Variants in RPN2 observed in about 807,000 individuals in gnomAD.
RPN2 encodes the protein ribophorin II.
A neutral mutation model predicts 71.4 loss-of-function variants in RPN2; 29 were observed. That is an observed-to-expected ratio of 0.41 (90% CI 0.30 to 0.55). RPN2 has a LOEUF of 0.55. Ranked by LOEUF, RPN2 falls within the 20% of genes least tolerant of loss-of-function variation. The pLI is 0.35. For synonymous variants in RPN2, 308 were observed against 305.0 expected (o/e 1.01, Z -0.10); for missense variants, 726 against 774.1 (o/e 0.94, Z 0.74).
At chr20:37,220,898 G>T (rs1243967201) in intron 9 of RPN2, among the ~76,000 whole-genome samples, 1 of 152,180 alleles carries the variant, frequency 6.6e-6, no homozygotes, top group Non-Finnish European at 1.5e-5. Context: ...ACAGCCCTAC[G>T]GGTGTTTATG....
chr20:37,219,333 C>G (rs1245240222), intron 9 of RPN2, among the ~76,000 whole-genome samples: 1 of 152,122 alleles, frequency 6.6e-6, no homozygotes, highest in Non-Finnish European at 1.5e-5. Flanking sequence ...AGAAGAATGT[C>G]TATTCAAATC....
intron 7 of RPN2, among the ~76,000 whole-genome samples, chr20:37,208,469 G>A (rs779991773): frequency 3.9e-5 from 6 of 152,106 alleles, no homozygotes; most frequent in Non-Finnish European, 8.8e-5. Context: ...GAGTGCCGTG[G>A]TGCGATCATG....
At chr20:37,179,427 C>A in intron 1 of RPN2, 58 bp downstream of exon 1, 3 of 164,236 alleles carry the variant, frequency 1.8e-5, no homozygotes, top group South Asian at 1.8e-4. Flanking sequence ...GGTTACTAGT[C>A]GCCGCTCGAG....
At chr20:37,204,594 A>G (rs1342955285) in intron 5 of RPN2, among the ~76,000 whole-genome samples, 173 bp from the exon 6 acceptor site, 1 of 152,236 alleles carries the variant, frequency 6.6e-6, no homozygotes, top group East Asian at 1.9e-4. Flanking sequence ...TCTGTTTGAT[A>G]TACTTTACTC....
Position 37,179,350 on chromosome 20 carries a change from C to G in RPN2, c.-7C>G, listed in dbSNP as rs1035628911. ...GGCTCGGACTCCGGCGGGACCTGCTCGGAGGAATGGCGCCGCCGGGTGAGG... is the reference window on the plus strand; with the variant it reads ...GGCTCGGACTCCGGCGGGACCTGCTGGGAGGAATGGCGCCGCCGGGTGAGG... On this transcript the variant is annotated 5_prime_UTR_variant, in exon 1 of 17. Transcript: ENST00000237530. 7.0e-6 allele frequency: 6 copies of G among 855,446 alleles called. No individual in the cohort carries two copies. The African/African-American group carries it at 2.5e-4, about 36-fold the overall frequency. 53.0% of individuals were successfully genotyped at this position (855,446 alleles called of 1,614,324 possible).
At chr20:37,217,182 T>C (rs1457665036) in intron 9 of RPN2, among the ~76,000 whole-genome samples, 1 of 152,118 alleles carries the variant, frequency 6.6e-6, no homozygotes, top group African/African-American at 2.4e-5. Flanking sequence ...TCTGCCCACC[T>C]TTGCCTCCCA....
chr20:37,185,079 A>G (rs1199372274), intron 2 of RPN2, among the ~76,000 whole-genome samples: 3 of 152,002 alleles, frequency 2.0e-5, no homozygotes, highest in Non-Finnish European at 2.9e-5. Context: ...ATTTTGATAC[A>G]TGTTTTTGGA....
rs6073729 is a variant in RPN2 at position 37,229,953 on chromosome 20, G to A, written c.1495-20G>A. On this transcript the variant is annotated intron_variant, in intron 12 of 16. Coordinates refer to ENST00000237530, the MANE Select transcript of RPN2 (RefSeq NM_002951.5). ...ACTTCTCTGCCCCTGTGCTTTTACA[G>A]ACTGTCCTTATTTTTCTAGGCTGAT... 21 of 1,591,328 alleles carry A rather than the reference G, an allele frequency of 1.3e-5. No individual in the cohort carries two copies. Among genetic ancestry groups the A allele is most frequent in the Non-Finnish European group, 1.7e-5 (20 of 1,159,300 alleles).
intron 8 of RPN2, among the ~76,000 whole-genome samples, chr20:37,211,154 C>A (rs554143593): frequency 2.7e-4 from 41 of 151,960 alleles, no homozygotes; most frequent in African/African-American, 9.6e-4. Context: ...CCTGCCTTAG[C>A]TTCCCGAGTA....
chr20:37,207,416 T>TGCTTCCCAG lies in RPN2; in HGVS notation c.840_841insCAGGCTTCC (p.Ser280_Asp281insGlnAlaSer). On this transcript the variant is annotated inframe_insertion, in exon 7 of 17. Transcript: ENST00000237530. ...CAGTTGTGGTTGTGCCTGAGGGCTC[T>TGCTTCCCAG]GCTTCCGACACTCATGAACAGGCTA... is the stretch of plus-strand genomic sequence containing the variant. The TGCTTCCCAG allele has an allele frequency of 7.4e-6, 12 of 1,614,238 alleles. No individual in the cohort carries two copies. Among genetic ancestry groups the TGCTTCCCAG allele is most frequent in the Non-Finnish European group, 1.0e-5 (12 of 1,180,036 alleles).
At chr20:37,238,241 A>G (rs1297790916) in intron 16 of RPN2, among the ~76,000 whole-genome samples, 1 of 151,664 alleles carries the variant, frequency 6.6e-6, no homozygotes, top group Non-Finnish European at 1.5e-5. Context: ...CTTAAAGCCC[A>G]CTCTTCTGTG....
intron 16 of RPN2, among the ~76,000 whole-genome samples, chr20:37,237,505 G>A (rs1322131440): frequency 1.3e-5 from 2 of 152,154 alleles, no homozygotes; most frequent in African/African-American, 4.8e-5. Context: ...TACCCTCAAC[G>A]TGGCTGCCAG....
At chr20:37,238,370 T>C in intron 16 of RPN2, 1 of 1,583,582 alleles carries the variant, frequency 6.3e-7, no homozygotes, top group African/African-American at 1.3e-5. Context: ...CACTGTCCTT[T>C]CTTGATTCTC....
At chr20:37,191,154 G>A (rs2067128899) in intron 2 of RPN2, among the ~76,000 whole-genome samples, 2 of 152,172 alleles carry the variant, frequency 1.3e-5, no homozygotes, top group Non-Finnish European at 1.5e-5. Context: ...ACAGCAGTGT[G>A]GAATGAGAGT....
chr20:37,201,654 C>T (rs189867327), intron 4 of RPN2, among the ~76,000 whole-genome samples: 3 of 152,212 alleles, frequency 2.0e-5, no homozygotes, highest in East Asian at 1.9e-4. Flanking sequence ...TTGTTTAGCC[C>T]GCCTAAACCT....
At position 37,184,223 on chromosome 20, in the gene RPN2, C is replaced by T. The variant is rs759994279; in HGVS notation, c.57C>T (p.Ser19=). ...VFLLALTIIA[S]TWALTPTHYL... ...TGTTGGCCCTGACAATCATAGCCAGCACCTGGGCTCTGACGCCCACTCACT... is the reference window on the plus strand; with the variant it reads ...TGTTGGCCCTGACAATCATAGCCAGTACCTGGGCTCTGACGCCCACTCACT... Residue 19 remains serine, a synonymous_variant, in exon 2 of 17, where the codon AGC becomes AGT. Transcript: ENST00000237530. 7.2e-5 allele frequency: 117 copies of T among 1,614,090 alleles called. No homozygotes were observed. Among genetic ancestry groups the T allele is most frequent in the Non-Finnish European group, 9.7e-5 (114 of 1,180,038 alleles).
intron 14 of RPN2, 47 bp from the exon 15 acceptor site, chr20:37,233,973 C>CT: frequency 1.2e-6 from 2 of 1,603,752 alleles, no homozygotes; most frequent in Non-Finnish European, 1.7e-6. Context: ...TGTTGCTTCC[C>CT]TTTTAAGTTC....
Position 37,236,724 on chromosome 20 carries a change from G to T in RPN2, c.1883+15G>T. 1 of 1,613,616 alleles carries T rather than the reference G, an allele frequency of 6.2e-7. No homozygotes were observed. Among genetic ancestry groups the T allele is most frequent in the Non-Finnish European group, 8.5e-7 (1 of 1,179,566 alleles). Reference sequence around the variant, plus strand: ...GCAGTCAAGAGGTAAGGCCAGACATGAGCCAGGGATCTAGAGTAGGGTTAG... The same window carrying T: ...GCAGTCAAGAGGTAAGGCCAGACATTAGCCAGGGATCTAGAGTAGGGTTAG... On this transcript the variant is annotated intron_variant, in intron 16 of 16. Transcript: ENST00000237530.
intron 16 of RPN2, among the ~76,000 whole-genome samples, chr20:37,240,691 G>C (rs1343546956): frequency 6.6e-6 from 1 of 152,212 alleles, no homozygotes; most frequent in Admixed American, 6.5e-5. Context: ...GGCAGCGGAG[G>C]GGAAACAAAG....
Sources: allele counts gnomAD v4.1 joint callset (sites outside exome capture counted in the v4.1 genomes callset), GRCh38; gene constraint gnomAD v4.1.1; transcripts MANE v1.5; gene names NCBI Gene and HGNC (gene_info 2026-07-23, HGNC 2026-07-21).